The following LRRTM3 variants were observed in gnomAD, a reference collection of about 807,000 sequenced individuals.
The protein encoded by LRRTM3 is leucine rich repeat transmembrane neuronal 3.
In LRRTM3, 24 loss-of-function variants were observed where a neutral mutation model predicts 44.7. The observed-to-expected ratio is 0.54, with a 90% CI of 0.39 to 0.76. LRRTM3 has a LOEUF of 0.76. LRRTM3 is among the 30% of genes least tolerant of loss of function. The pLI, the probability that LRRTM3 is intolerant of heterozygous loss-of-function variation, is 0.00. For missense variants in LRRTM3, 587 were observed against 702.2 expected, an observed-to-expected ratio of 0.84 and a Z score of 1.85; for synonymous variants, 277 against 278.7, an observed-to-expected ratio of 0.99 and a Z score of 0.06.
intron 2 of LRRTM3, among the ~76,000 whole-genome samples, chr10:66,983,990 G>T (rs1205633453): frequency 6.6e-6 from 1 of 152,174 alleles, no homozygotes; most frequent in Non-Finnish European, 1.5e-5. Context: ...TATAGTTGAT[G>T]ATAATCGAGG....
intron 2 of LRRTM3, among the ~76,000 whole-genome samples, chr10:66,933,063 C>T (rs915034288): frequency 6.6e-6 from 1 of 152,158 alleles, no homozygotes; most frequent in Non-Finnish European, 1.5e-5. Context: ...GTGAAAAGTA[C>T]TTTGTAAACT....
chr10:67,088,117 G>A (rs1392435748), intron 2 of LRRTM3, among the ~76,000 whole-genome samples: 2 of 151,584 alleles, frequency 1.3e-5, no homozygotes, highest in Non-Finnish European at 2.9e-5. Flanking sequence ...GTGAATGAGT[G>A]AAAAATTGAG....
intron 2 of LRRTM3, among the ~76,000 whole-genome samples, chr10:67,006,457 T>C (rs530701406): frequency 6.6e-6 from 1 of 152,306 alleles, no homozygotes; most frequent in South Asian, 2.1e-4. Flanking sequence ...AGTAATTTTA[T>C]CTTCATTTGC....
At chr10:67,002,796 A>G (rs1326462153) in intron 2 of LRRTM3, among the ~76,000 whole-genome samples, 4 of 152,158 alleles carry the variant, frequency 2.6e-5, no homozygotes, top group Non-Finnish European at 5.9e-5. Flanking sequence ...AAATAAACAC[A>G]ATTAGGTTTT....
intron 2 of LRRTM3, among the ~76,000 whole-genome samples, chr10:67,037,837 G>C (rs1234817863): frequency 6.6e-6 from 1 of 152,040 alleles, no homozygotes; most frequent in Non-Finnish European, 1.5e-5. Context: ...GAGATGTATT[G>C]GTAAATTATG....
chr10:67,064,407 A>C (rs988745701), intron 2 of LRRTM3, among the ~76,000 whole-genome samples: 2 of 152,142 alleles, frequency 1.3e-5, no homozygotes, highest in African/African-American at 4.8e-5. Flanking sequence ...AAATTACCAA[A>C]ATCTATAGAA....
chr10:67,060,471 G>A (rs940722850), intron 2 of LRRTM3, among the ~76,000 whole-genome samples: 1 of 152,124 alleles, frequency 6.6e-6, no homozygotes, highest in African/African-American at 2.4e-5. Flanking sequence ...GTTTCCAATT[G>A]TGGCAGAAAT....
At chr10:67,037,312 CA>C (rs1001098847) in intron 2 of LRRTM3, among the ~76,000 whole-genome samples, 1 of 147,530 alleles carries the variant, frequency 6.8e-6, no homozygotes, top group Non-Finnish European at 1.5e-5. Context: ...ATGTACTCAG[CA>C]AAATCATATT....
In LRRTM3 at chr10:66,927,524, G is replaced by A. The variant is rs1168698857; in HGVS notation, c.608G>A (p.Gly203Asp). ...AGTTTAGCCAGGAATGTCTTTGCTG[G>A]CATGATCAGACTCAAAGAACTTCAC... Reference protein sequence around the residue: ...IRSLARNVFAGMIRLKELHLE... With the variant: ...IRSLARNVFADMIRLKELHLE... Residue 203 changes from glycine to aspartate, a missense_variant, in exon 2 of 3, where the codon GGC (glycine) becomes GAC (aspartate). Physicochemically the swap from Gly to Asp is moderately conservative, Grantham distance 94. Transcript: ENST00000361320. This position sits in a 1 kb window ranked among gnomAD's most constrained non-coding sequence, Gnocchi z 4.7. 1.2e-6 allele frequency: 2 copies of A among 1,614,146 alleles called. No homozygotes were observed. Among genetic ancestry groups the A allele is most frequent in the Non-Finnish European group, 1.7e-6 (2 of 1,180,032 alleles).
intron 2 of LRRTM3, among the ~76,000 whole-genome samples, chr10:66,957,620 A>G (rs1401874690): frequency 6.6e-6 from 1 of 151,732 alleles, no homozygotes; most frequent in African/African-American, 2.4e-5. Flanking sequence ...GAAACAGATG[A>G]TACACTCAAA....
chr10:66,937,038 G>T (rs1046917987), intron 2 of LRRTM3, among the ~76,000 whole-genome samples: 3 of 152,112 alleles, frequency 2.0e-5, no homozygotes, highest in Non-Finnish European at 4.4e-5. Flanking sequence ...TTCCAAAGGA[G>T]CCAAGGCAGG....
At chr10:67,092,243 C>T (rs1410820187) in intron 2 of LRRTM3, among the ~76,000 whole-genome samples, 1 of 151,742 alleles carries the variant, frequency 6.6e-6, no homozygotes, top group Non-Finnish European at 1.5e-5. Flanking sequence ...TTCAGCCTTA[C>T]AAAAATGGGA....
In LRRTM3 at chr10:66,927,193, G is replaced by T; in HGVS notation, c.277G>T (p.Asp93Tyr). 1 of 1,614,110 alleles carries T rather than the reference G, an allele frequency of 6.2e-7. No individual in the cohort carries two copies. Among genetic ancestry groups the T allele is most frequent in the Non-Finnish European group, 8.5e-7 (1 of 1,180,034 alleles). Residue 93 changes from aspartate to tyrosine, a missense_variant, in exon 2 of 3, where the codon GAC (aspartate) becomes TAC (tyrosine). This residue lies in a region of LRRTM3 where 222 missense variants were observed against 323.3 expected (regional missense o/e 0.69). Coordinates refer to ENST00000361320, the MANE Select transcript of LRRTM3 (RefSeq NM_178011.5). This position sits in a 1 kb window ranked among gnomAD's most constrained non-coding sequence, Gnocchi z 4.7. Reference protein sequence around the residue: ...GLNQLTWLYLDHNHISNIDEN... With the variant: ...GLNQLTWLYLYHNHISNIDEN... ...CAACCAGCTCACCTGGCTATACCTT[G>T]ACCATAACCATATCAGCAATATTGA...
chr10:67,059,595 G>T (rs1481495438), intron 2 of LRRTM3, among the ~76,000 whole-genome samples: 1 of 152,104 alleles, frequency 6.6e-6, no homozygotes, highest in Admixed American at 6.6e-5. Context: ...ATTTTTAAAT[G>T]ATTTCCTTTT....
chr10:67,069,652 T>C, intron 2 of LRRTM3, among the ~76,000 whole-genome samples: 1 of 145,994 alleles, frequency 6.8e-6, no homozygotes, highest in East Asian at 2.0e-4. Context: ...GTTTTTGAAA[T>C]GTCTATAAGT....
At chr10:66,985,083 G>A (rs576780627) in intron 2 of LRRTM3, among the ~76,000 whole-genome samples, 2 of 152,164 alleles carry the variant, frequency 1.3e-5, no homozygotes, top group East Asian at 3.9e-4. Context: ...TGTCTAGAAT[G>A]TTCCTTCCTA....
At chr10:67,042,133 T>G (rs1301574071) in intron 2 of LRRTM3, among the ~76,000 whole-genome samples, 1 of 152,162 alleles carries the variant, frequency 6.6e-6, no homozygotes, top group Non-Finnish European at 1.5e-5. Context: ...AGAGGATTTT[T>G]GGACAGAAAT....
chr10:67,038,148 A>C, intron 2 of LRRTM3, among the ~76,000 whole-genome samples: 1 of 152,150 alleles, frequency 6.6e-6, no homozygotes, highest in East Asian at 1.9e-4. Context: ...AGAGCAAGTT[A>C]TTATATTTAT....
intron 2 of LRRTM3, among the ~76,000 whole-genome samples, chr10:66,967,173 T>C (rs1849470295): frequency 6.6e-6 from 1 of 151,944 alleles, no homozygotes; most frequent in African/African-American, 2.4e-5. Context: ...ACGTGAGATT[T>C]TTCTTATGTG....
Sources: gnomAD v4.1 joint callset for allele counts (sites outside exome capture counted in the v4.1 genomes callset) on GRCh38, gnomAD v4.1.1 for gene constraint, gnomAD v4.1.1 regional missense constraint, Gnocchi (gnomAD v3.1) non-coding constraint, MANE v1.5 for transcripts, NCBI Gene and HGNC (gene_info 2026-07-23, HGNC 2026-07-21) for gene names.